Variants in NFIC observed in about 807,000 individuals in gnomAD.
NFIC encodes nuclear factor I C, also known as nuclear factor 1 C-type.
Under a neutral mutation model 54.4 loss-of-function variants are expected in NFIC, and 12 were observed. That is an observed-to-expected ratio of 0.22 (90% confidence interval 0.14 to 0.36). NFIC has a LOEUF of 0.36. Among genes scored for constraint, NFIC ranks in the 10% least tolerant of loss-of-function variants. NFIC has a pLI of 1.00. For missense variants in NFIC, 575 were observed against 718.2 expected (o/e 0.80, Z 2.28); for synonymous variants, 322 against 319.2 (o/e 1.01, Z -0.09).
chr19:3,359,659 G>C, exon 1 of NFIC: 1 of 1,400,276 alleles, frequency 7.1e-7, no homozygotes, highest in South Asian at 1.5e-5. Context: ...TCCGGCGCCG[G>C]CCTCGCCTCC....
intron 2 of NFIC, among the ~76,000 whole-genome samples, chr19:3,401,181 G>A (rs540392483): frequency 2.0e-5 from 3 of 152,322 alleles, no homozygotes; most frequent in African/African-American, 7.2e-5. Context: ...GGCAGTTTGT[G>A]CAAGGCCTGG....
chr19:3,426,579 T>G (rs1599666682), intron 3 of NFIC, among the ~76,000 whole-genome samples: 1 of 152,154 alleles, frequency 6.6e-6, no homozygotes, highest in East Asian at 1.9e-4. Flanking sequence ...GTCCCTCCTC[T>G]GCGCACAGCC....
intron 2 of NFIC, among the ~76,000 whole-genome samples, chr19:3,407,607 G>A (rs1276060204): frequency 2.0e-5 from 3 of 151,758 alleles, no homozygotes; most frequent in Non-Finnish European, 4.4e-5. Flanking sequence ...GCTAATTTTT[G>A]TGTTTTTAGC....
At chr19:3,360,746 CG>C (rs1424925959) in intron 1 of NFIC, among the ~76,000 whole-genome samples, 2 of 152,186 alleles carry the variant, frequency 1.3e-5, no homozygotes, top group Non-Finnish European at 2.9e-5. Flanking sequence ...CGCGTCCCTG[CG>C]GGACGGTGTT....
At chr19:3,418,186 C>T (rs1399375389) in intron 2 of NFIC, among the ~76,000 whole-genome samples, 2 of 151,286 alleles carry the variant, frequency 1.3e-5, no homozygotes, top group African/African-American at 2.4e-5. Context: ...GCAACCTCCA[C>T]CTCCCAGGCT....
rs2082476894 is a variant in NFIC at position 3,452,303 on chromosome 19, T to A, written c.1085-179T>A. ...TATCACAGCCCCAGTGGGGTTGCCG[T>A]GGGAGTCGGGGAATTTGGGTGTCAA... On this transcript the variant is annotated intron_variant, in intron 7 of 10. Coordinates refer to ENST00000443272, the MANE Select transcript of NFIC (RefSeq NM_001245002.2). The surrounding 1 kb of genome is among the most constrained non-coding windows in gnomAD (Gnocchi z 5.3). 6.6e-6 allele frequency among the ~76,000 whole-genome samples: 1 copy of A among 151,974 alleles called. No homozygotes were observed. Among genetic ancestry groups the A allele is most frequent in the Non-Finnish European group, 1.5e-5 (1 of 67,996 alleles).
intron 2 of NFIC, among the ~76,000 whole-genome samples, chr19:3,422,672 ATG>A (rs2081971036): frequency 6.6e-6 from 1 of 151,820 alleles, no homozygotes; most frequent in Non-Finnish European, 1.5e-5. Context: ...AGCCGAGATC[ATG>A]CCACTGCACT....
In NFIC at chr19:3,370,957, C is replaced by A. The variant is rs1232354614; in HGVS notation, c.30+4291C>A. 6.6e-6 allele frequency among the ~76,000 whole-genome samples: 1 copy of A among 152,230 alleles called. No homozygotes were observed. Among genetic ancestry groups the A allele is most frequent in the Non-Finnish European group, 1.5e-5 (1 of 68,042 alleles). On this transcript the variant is annotated intron_variant, in intron 1 of 10. Coordinates refer to ENST00000443272, the MANE Select transcript of NFIC (RefSeq NM_001245002.2). The surrounding 1 kb of genome is among the most constrained non-coding windows in gnomAD (Gnocchi z 5.2). ...TTCACATCCATGAGCACACGCTGGG[C>A]GCACACGCGTGCACACTCCCTGACA...
At chr19:3,415,863 A>G (rs2081845415) in intron 2 of NFIC, among the ~76,000 whole-genome samples, 1 of 151,704 alleles carries the variant, frequency 6.6e-6, no homozygotes, top group South Asian at 2.1e-4. Context: ...CTGCCCTATT[A>G]TTGCCTTCCC....
rs745886768 is a variant in NFIC at position 3,449,094 on chromosome 19, T to C, written c.1039T>C (p.Ser347Pro). The change falls in exon 7 of 11, where the codon TCC (serine) becomes CCC (proline). Residue 347 changes from serine to proline, a missense_variant. By Grantham distance (74) the Ser-to-Pro change is moderately conservative (BLOSUM62 -1). This residue lies in a region of NFIC where 447 missense variants were observed against 526.9 expected (regional missense o/e 0.85). Coordinates refer to ENST00000443272, the MANE Select transcript of NFIC (RefSeq NM_001245002.2). ...SPSPQDSPRLSSFTQHHRPVI... is the reference protein window; with the variant it reads ...SPSPQDSPRLPSFTQHHRPVI... ...GTCCCCCCAGGACTCTCCCCGCCTC[T>C]CCAGCTTCACCCAGCACCACCGGCC... The C allele has an allele frequency of 1.2e-6, 2 of 1,613,802 alleles. No homozygotes were observed. The highest frequency in any genetic ancestry group is 1.1e-5 in the South Asian group (1 of 91,064).
Position 3,368,913 on chromosome 19 carries a change from C to CTGTGTGTGTGTGTG in NFIC, c.30+2269_30+2282dup, listed in dbSNP as rs59920512. ...TCTTTCTCTCTGTCTTGCTCTGACT[C>CTGTGTGTGTGTGTG]TGTGTGTGTGTGTGTGTGTGTGTGT... On this transcript the variant is annotated intron_variant, in intron 1 of 10. Coordinates refer to ENST00000443272, the MANE Select transcript of NFIC (RefSeq NM_001245002.2). Among the ~76,000 whole-genome samples, 302 of 147,060 alleles carry CTGTGTGTGTGTGTG rather than the reference C, an allele frequency of 2.1e-3. 1 individual carries two copies. The highest frequency in any genetic ancestry group is 6.5e-3 in the African/African-American group (254 of 39,154).
intron 1 of NFIC, among the ~76,000 whole-genome samples, chr19:3,367,789 C>A (rs911115916): frequency 1.3e-5 from 2 of 152,098 alleles, no homozygotes; most frequent in African/African-American, 4.8e-5. Context: ...AGTCCCGGCA[C>A]GTGGGGGGTG....
intron 2 of NFIC, among the ~76,000 whole-genome samples, chr19:3,394,517 C>CCA (rs1178738046): frequency 2.1e-4 from 5 of 23,858 alleles, no homozygotes; most frequent in African/African-American, 4.7e-4. Context: ...GATCTTTTCC[C>CCA]CACCCACCCC....
At chr19:3,440,583 A>C (rs2082278789) in intron 6 of NFIC, among the ~76,000 whole-genome samples, 2 of 152,122 alleles carry the variant, frequency 1.3e-5, no homozygotes, top group Admixed American at 6.5e-5. Context: ...GGTGCCCGCC[A>C]CCACGGCTGG....
In NFIC at chr19:3,370,575, G is replaced by A. The variant is rs892568561; in HGVS notation, c.30+3909G>A. 3.6e-5 allele frequency among the ~76,000 whole-genome samples: 5 copies of A among 137,028 alleles called. No homozygotes were observed. The highest frequency in any genetic ancestry group is 2.2e-4 in the East Asian group (1 of 4,628). The allele number at this position is 137,028 out of a possible 152,430, so 89.9% of individuals were successfully genotyped here. ...TCTCTCCTTCTCTGTCTCCCTTTCC[G>A]TCTTTCCCTCTTCCTTTCTCTCTCT... is the stretch of plus-strand genomic sequence containing the variant. On this transcript the variant is annotated intron_variant, in intron 1 of 10. Transcript: ENST00000443272. The surrounding 1 kb of genome is among the most constrained non-coding windows in gnomAD (Gnocchi z 5.2).
intron 3 of NFIC, among the ~76,000 whole-genome samples, chr19:3,426,430 G>A (rs1176837350): frequency 1.3e-5 from 2 of 152,072 alleles, no homozygotes; most frequent in African/African-American, 2.4e-5. Context: ...ATGTTGTAGG[G>A]ATAGGAAGTG....
chr19:3,415,543 G>A (rs915721306), intron 2 of NFIC, among the ~76,000 whole-genome samples: 1 of 152,100 alleles, frequency 6.6e-6, no homozygotes, highest in African/African-American at 2.4e-5. Context: ...AGATGGGCAG[G>A]GGTTTGTCTG....
intron 3 of NFIC, among the ~76,000 whole-genome samples, chr19:3,431,752 C>T (rs936410323): frequency 2.0e-5 from 3 of 152,188 alleles, no homozygotes; most frequent in Non-Finnish European, 4.4e-5. Flanking sequence ...GATCCACCCA[C>T]CTCAGCTTCC....
At chr19:3,387,836 C>T (rs2081321733) in intron 2 of NFIC, among the ~76,000 whole-genome samples, 1 of 152,132 alleles carries the variant, frequency 6.6e-6, no homozygotes, top group Non-Finnish European at 1.5e-5. Flanking sequence ...CCCGGGTGCT[C>T]TCCGACCTGC....
Sources: gnomAD v4.1 joint callset for allele counts (sites outside exome capture counted in the v4.1 genomes callset) on GRCh38, gnomAD v4.1.1 for gene constraint, gnomAD v4.1.1 regional missense constraint, Gnocchi (gnomAD v3.1) non-coding constraint, MANE v1.5 for transcripts, NCBI Gene and HGNC (gene_info 2026-07-23, HGNC 2026-07-21) for gene names.